The following PISD variants were observed in gnomAD, a reference collection of about 807,000 sequenced individuals.
PISD encodes the protein phosphatidylserine decarboxylase proenzyme, mitochondrial.
A neutral mutation model predicts 43.5 loss-of-function variants in PISD; 31 were observed. The ratio of observed to expected loss-of-function variants is 0.71; its 90% CI spans 0.54 to 0.96. The LOEUF is 0.96. Among genes scored for constraint, PISD ranks in the 40% least tolerant of loss-of-function variants. The pLI is 0.00. For synonymous variants in PISD, 259 were observed against 228.7 expected (o/e 1.13, Z -1.20); for missense variants, 523 against 548.4 (o/e 0.95, Z 0.46).
chr22:31,623,331 T>C (rs2072686316), intron 3 of PISD, among the ~76,000 whole-genome samples: 2 of 152,202 alleles, frequency 1.3e-5, no homozygotes, highest in Non-Finnish European at 2.9e-5. Context: ...CTGTTCAAAA[T>C]CACCTATAAG....
At chr22:31,622,448 C>CA (rs2072637702) in intron 3 of PISD, among the ~76,000 whole-genome samples, 1 of 152,250 alleles carries the variant, frequency 6.6e-6, no homozygotes, top group South Asian at 2.1e-4. Flanking sequence ...ATGTCACTGT[C>CA]ACCTGGGCCT....
chr22:31,644,883 C>T (rs896426295), intron 3 of PISD, among the ~76,000 whole-genome samples: 41 of 151,994 alleles, frequency 2.7e-4, no homozygotes, highest in African/African-American at 8.5e-4. Context: ...CTAGCACTTT[C>T]GGAGGCCGAG....
At chr22:31,638,125 G>A (rs1300857339) in intron 3 of PISD, among the ~76,000 whole-genome samples, 1 of 152,212 alleles carries the variant, frequency 6.6e-6, no homozygotes, top group Non-Finnish European at 1.5e-5. Context: ...TTTTGGCTGT[G>A]CCTGCCCTTG....
chr22:31,627,143 G>T (rs1177581856), intron 3 of PISD, among the ~76,000 whole-genome samples: 1 of 152,352 alleles, frequency 6.6e-6, no homozygotes, highest in South Asian at 2.1e-4. Context: ...TTGGAGCCAG[G>T]ACAATAAGGT....
intron 1 of PISD, among the ~76,000 whole-genome samples, chr22:31,651,521 G>T (rs2074027543): frequency 6.6e-6 from 1 of 152,068 alleles, no homozygotes; most frequent in South Asian, 2.1e-4. Flanking sequence ...GGCCGAGGCG[G>T]GCAGATCACC....
intron 1 of PISD, among the ~76,000 whole-genome samples, chr22:31,660,501 A>C (rs1018744818): frequency 2.0e-5 from 3 of 151,942 alleles, no homozygotes; most frequent in Admixed American, 6.6e-5. Flanking sequence ...CCCACCCCCA[A>C]AAAAAATGCA....
At chr22:31,646,414 T>C (rs2073889376) in intron 3 of PISD, among the ~76,000 whole-genome samples, 1 of 152,202 alleles carries the variant, frequency 6.6e-6, no homozygotes, top group Admixed American at 6.6e-5. Flanking sequence ...TAATCAACCC[T>C]GTCCTCTTTA....
intron 3 of PISD, among the ~76,000 whole-genome samples, chr22:31,624,374 A>T (rs2072759281): frequency 6.6e-6 from 1 of 152,146 alleles, no homozygotes; most frequent in South Asian, 2.1e-4. Flanking sequence ...CCATTTGCTG[A>T]GTCTTCCGCT....
At position 31,618,617 on chromosome 22, in the gene PISD, T is replaced by G. The variant is rs987864017; in HGVS notation, c.*995A>C. ...AGTTGAAAAAATTCAATGATGTCTC[T>G]CCTGCAGGAGAAATTCACAGCATCC... On this transcript the variant is annotated 3_prime_UTR_variant, in exon 8 of 8. Coordinates refer to ENST00000439502, the MANE Select transcript of PISD (RefSeq NM_001326411.2). The G allele has an allele frequency of 2.1e-6, 1 of 485,398 alleles. No homozygotes were observed. Among genetic ancestry groups the G allele is most frequent in the East Asian group, 3.5e-5 (1 of 28,574 alleles). The allele number at this position is 485,398 out of a possible 1,614,324, so 30.1% of individuals were successfully genotyped here.
intron 1 of PISD, among the ~76,000 whole-genome samples, chr22:31,652,295 C>T (rs2074049514): frequency 6.6e-6 from 1 of 151,908 alleles, no homozygotes; most frequent in Non-Finnish European, 1.5e-5. Flanking sequence ...CTGCACCTGA[C>T]TAATTTCGTA....
intron 3 of PISD, among the ~76,000 whole-genome samples, chr22:31,623,455 G>T (rs2147636703): frequency 6.6e-6 from 1 of 152,348 alleles, no homozygotes; most frequent in East Asian, 1.9e-4. Flanking sequence ...CAGGCTAGGG[G>T]AGTGGGCAGG....
intron 1 of PISD, 144 bp downstream of exon 1, chr22:31,662,000 G>A (rs1428060336): frequency 1.4e-6 from 1 of 720,680 alleles, no homozygotes. Context: ...AGTCGCACCT[G>A]CTCCTAAGCT....
chr22:31,655,329 T>TTTTTC (rs1556430103), intron 1 of PISD, among the ~76,000 whole-genome samples: 3 of 150,444 alleles, frequency 2.0e-5, no homozygotes, highest in African/African-American at 4.9e-5. Flanking sequence ...TTTTTTTTTT[T>TTTTTC]CCCAGAGATG....
intron 3 of PISD, among the ~76,000 whole-genome samples, chr22:31,633,458 G>A (rs2073290231): frequency 2.0e-5 from 3 of 152,224 alleles, no homozygotes; most frequent in African/African-American, 7.2e-5. Flanking sequence ...GCTCATGCCT[G>A]TAATCCCAGC....
chr22:31,637,395 G>T (rs1252028649), intron 3 of PISD, among the ~76,000 whole-genome samples: 1 of 148,788 alleles, frequency 6.7e-6, no homozygotes. Flanking sequence ...GTTTGTTTTT[G>T]TTTTTTTTTA....
chr22:31,640,073 G>A (rs1273612579), intron 3 of PISD, among the ~76,000 whole-genome samples: 2 of 152,126 alleles, frequency 1.3e-5, no homozygotes, highest in Non-Finnish European at 2.9e-5. Context: ...CACTCTGGAA[G>A]CCAAAAAGCA....
intron 3 of PISD, among the ~76,000 whole-genome samples, chr22:31,643,589 C>T (rs2073799059): frequency 6.6e-6 from 1 of 152,132 alleles, no homozygotes; most frequent in South Asian, 2.1e-4. Flanking sequence ...CAGCAAGACC[C>T]TGTCTCTGAA....
rs533908548 is a variant in PISD, at chr22:31,625,889, C to T, written c.322-4004G>A. 1.2e-5 allele frequency: 18 copies of T among 1,546,846 alleles called. No individual in the cohort carries two copies. In the East Asian group the frequency reaches 1.2e-4, roughly 10 times the overall value. On this transcript the variant is annotated intron_variant, in intron 3 of 7. Transcript: ENST00000439502. ...GTTTTCCTCTTTCCTCCCCTTCCCC[C>T]GAGCCAGCAGATCTCCTGTGCTGTC... is the stretch of plus-strand genomic sequence containing the variant.
At chr22:31,648,680 A>G (rs906854908) in intron 2 of PISD, among the ~76,000 whole-genome samples, 1 of 151,656 alleles carries the variant, frequency 6.6e-6, no homozygotes, top group Admixed American at 6.6e-5. Flanking sequence ...AAAAAAAAAA[A>G]AAGAAGCCCT....
Sources: gnomAD v4.1 joint callset for allele counts (sites outside exome capture counted in the v4.1 genomes callset) on GRCh38, gnomAD v4.1.1 for gene constraint, MANE v1.5 for transcripts, NCBI Gene and HGNC (gene_info 2026-07-23, HGNC 2026-07-21) for gene names.